FOXP1: variants seen among roughly 807,000 people sequenced by gnomAD.
FOXP1 encodes the protein forkhead box protein P1.
Under a neutral mutation model 98.2 loss-of-function variants are expected in FOXP1, and 15 were observed. The observed-to-expected ratio is 0.15, with a 90% CI of 0.10 to 0.24. The LOEUF is 0.24. FOXP1 is among the 10% of genes least tolerant of loss of function. The pLI, the probability that FOXP1 is intolerant of heterozygous loss-of-function variation, is 1.00. For missense variants in FOXP1, 633 were observed against 848.5 expected (o/e 0.75, Z 3.15); for synonymous variants, 371 against 314.5 (o/e 1.18, Z -1.90).
At chr3:71,320,011 C>T (rs531901571) in intron 4 of FOXP1, among the ~76,000 whole-genome samples, 6 of 152,272 alleles carry the variant, frequency 3.9e-5, no homozygotes, top group African/African-American at 9.6e-5. Flanking sequence ...GTGCCTCCCA[C>T]GACTCTGCAA....
intron 6 of FOXP1, among the ~76,000 whole-genome samples, chr3:71,183,264 C>T (rs57467020): frequency 0.15 from 22,328 of 151,786 alleles, 2,159 homozygotes; most frequent in Middle Eastern, 0.28. Flanking sequence ...GAGGCCGAGG[C>T]GGGTGGATCA....
At chr3:71,581,773 G>A (rs2048188009) in intron 1 of FOXP1, 76 bp from the exon 2 acceptor site, 1 of 985,696 alleles carries the variant, frequency 1.0e-6, no homozygotes, top group South Asian at 4.7e-5. Flanking sequence ...AAGGGGACGG[G>A]ACGGGTGAGT....
chr3:71,568,940 C>T (rs1412696715), intron 2 of FOXP1, among the ~76,000 whole-genome samples: 2 of 152,188 alleles, frequency 1.3e-5, no homozygotes, highest in African/African-American at 4.8e-5. Context: ...AGCCACTGTG[C>T]CCAGCCTGTT....
Position 71,046,936 on chromosome 3 carries a change from G to C in FOXP1, c.664+6C>G, listed in dbSNP as rs552866338. On this transcript the variant is annotated splice_donor_region_variant and intron_variant, in intron 10 of 20. Coordinates refer to ENST00000649528, the MANE Select transcript of FOXP1 (RefSeq NM_001349338.3). ...GAGCTATGCCTTCTGTAAAATCAAC[G>C]CATACCTTGAGCAAGAGGTTGAAGG... The C allele has an allele frequency of 5.0e-6, 8 of 1,613,792 alleles. No homozygotes were observed. The African/African-American group carries it at 1.1e-4, about 22-fold the overall frequency.
chr3:71,019,353 G>T (rs1233746483), intron 11 of FOXP1, among the ~76,000 whole-genome samples: 1 of 152,156 alleles, frequency 6.6e-6, no homozygotes, highest in Non-Finnish European at 1.5e-5. Flanking sequence ...AGCTGTCAGG[G>T]TCAGTGATGA....
intron 10 of FOXP1, among the ~76,000 whole-genome samples, chr3:71,042,026 T>C (rs542934882): frequency 6.6e-6 from 1 of 152,322 alleles, no homozygotes; most frequent in Non-Finnish European, 1.5e-5. Flanking sequence ...AAATTATGAA[T>C]TCATATCGTC....
At chr3:71,142,596 G>A (rs1176406627) in intron 6 of FOXP1, among the ~76,000 whole-genome samples, 2 of 152,214 alleles carry the variant, frequency 1.3e-5, no homozygotes, top group East Asian at 3.8e-4. Flanking sequence ...GCAGCTGCAG[G>A]CTGACAGCCA....
chr3:71,115,644 TTAAA>T (rs1186902774), intron 6 of FOXP1, among the ~76,000 whole-genome samples: 1 of 151,754 alleles, frequency 6.6e-6, no homozygotes, highest in Non-Finnish European at 1.5e-5. Flanking sequence ...GTCTCAATTT[TTAAA>T]TAGTCAAGTC....
chr3:71,400,985 C>T (rs1337095952), intron 3 of FOXP1, among the ~76,000 whole-genome samples: 2 of 152,220 alleles, frequency 1.3e-5, no homozygotes, highest in Non-Finnish European at 2.9e-5. Flanking sequence ...TACCTACATG[C>T]TGTCAGTTTG....
chr3:71,121,183 A>G (rs909475867), intron 6 of FOXP1, among the ~76,000 whole-genome samples: 3 of 151,970 alleles, frequency 2.0e-5, no homozygotes, highest in African/African-American at 4.8e-5. Context: ...ACATGGACAG[A>G]GAGAGATGCC....
intron 14 of FOXP1, among the ~76,000 whole-genome samples, chr3:70,981,634 G>A (rs1352236674): frequency 6.6e-6 from 1 of 152,162 alleles, no homozygotes; most frequent in Non-Finnish European, 1.5e-5. Context: ...ATGGCTATGA[G>A]GTAAACTAAT....
intron 5 of FOXP1, among the ~76,000 whole-genome samples, chr3:71,271,604 A>C (rs536653683): frequency 6.6e-6 from 1 of 152,200 alleles, no homozygotes; most frequent in Admixed American, 6.5e-5. Context: ...TTCCTTTGAT[A>C]AAAGAACCAC....
chr3:71,132,686 CT>C lies in FOXP1; in HGVS notation c.181-20050del, dbSNP rs564737604. 9.9e-5 allele frequency among the ~76,000 whole-genome samples: 15 copies of C among 152,216 alleles called. No individual in the cohort carries two copies. The South Asian group carries it at 3.1e-3, about 32-fold the overall frequency. On this transcript the variant is annotated intron_variant, in intron 6 of 20. Transcript: ENST00000649528. ...TTGGATTTTTAAAATTAGTGCCCCTCTTTTTTTGCATAATAAACCAACATTA... is the reference window on the plus strand; with the variant it reads ...TTGGATTTTTAAAATTAGTGCCCCTCTTTTTTGCATAATAAACCAACATTA...
chr3:71,115,858 T>A lies in FOXP1; in HGVS notation c.181-3221A>T, dbSNP rs1012656780. ...TTCAAGCAATTCTCCTGCCCAAGCC[T>A]CCCGAGTAGCTGGGACTACAGGCAC... is the stretch of plus-strand genomic sequence containing the variant. On this transcript the variant is annotated intron_variant, in intron 6 of 20. Transcript: ENST00000649528. Among the ~76,000 whole-genome samples the A allele has an allele frequency of 4.7e-5, 7 of 150,140 alleles. No individual in the cohort carries two copies. The Middle Eastern group carries it at 0.014, about 304-fold the overall frequency.
At chr3:71,126,425 C>A (rs916572383) in intron 6 of FOXP1, among the ~76,000 whole-genome samples, 2 of 151,984 alleles carry the variant, frequency 1.3e-5, no homozygotes, top group Non-Finnish European at 2.9e-5. Flanking sequence ...GAAGGCAGAG[C>A]TTGCAGTGAG....
intron 6 of FOXP1, among the ~76,000 whole-genome samples, chr3:71,184,807 T>C (rs989521656): frequency 6.6e-6 from 1 of 151,454 alleles, no homozygotes; most frequent in Non-Finnish European, 1.5e-5. Flanking sequence ...AATCGCAAAA[T>C]TACACATACA....
At chr3:71,179,195 C>G (rs35390588) in intron 6 of FOXP1, among the ~76,000 whole-genome samples, 70,440 of 146,742 alleles carry the variant, frequency 0.48, 18,543 homozygotes, top group African/African-American at 0.7. Context: ...GTAGCACAAC[C>G]TCAGCTCACT....
chr3:71,299,168 A>T (rs969930249), intron 5 of FOXP1, among the ~76,000 whole-genome samples: 1 of 152,214 alleles, frequency 6.6e-6, no homozygotes, highest in African/African-American at 2.4e-5. Context: ...CCCTCCCAAA[A>T]GCGAATTTGA....
chr3:71,566,868 G>T (rs1167507214), intron 2 of FOXP1, among the ~76,000 whole-genome samples: 1 of 152,022 alleles, frequency 6.6e-6, no homozygotes, highest in Non-Finnish European at 1.5e-5. Context: ...TGGGCCCTGG[G>T]TGCTCCTAAT....
Sources: gnomAD v4.1 joint callset for allele counts (sites outside exome capture counted in the v4.1 genomes callset) on GRCh38, gnomAD v4.1.1 for gene constraint, MANE v1.5 for transcripts, NCBI Gene and HGNC (gene_info 2026-07-23, HGNC 2026-07-21) for gene names.